Variants in ITGAV observed in about 807,000 individuals in gnomAD.
ITGAV encodes integrin alpha-V.
Under a neutral mutation model 143.8 loss-of-function variants are expected in ITGAV, and 76 were observed. That is an observed-to-expected ratio of 0.53 (90% confidence interval 0.44 to 0.64). The LOEUF (loss-of-function observed/expected upper bound fraction) is 0.64, where lower values mean the gene tolerates loss of function less well. ITGAV is among the 30% of genes least tolerant of loss of function. The pLI, the probability that ITGAV is intolerant of heterozygous loss-of-function variation, is 0.00. For missense variants in ITGAV, 1,193 were observed against 1,274.7 expected (o/e 0.94, Z 0.98); for synonymous variants, 453 against 446.7 (o/e 1.01, Z -0.18).
Position 186,651,971 on chromosome 2 carries a change from TC to T in ITGAV, c.1398-6del, listed in dbSNP as rs752252645. ...ATTTTTTACTTCATCTTCTTTTCCC[TC>T]CCCCGCTAGGGCCAGACCAGTTATC... is the stretch of plus-strand genomic sequence containing the variant. On this transcript the variant is annotated splice_polypyrimidine_tract_variant and intron_variant, in intron 14 of 29. Coordinates refer to ENST00000261023, the MANE Select transcript of ITGAV (RefSeq NM_002210.5). The T allele has an allele frequency of 1.9e-5, 29 of 1,518,572 alleles. No homozygotes were observed. The East Asian group carries it at 2.9e-4, about 15-fold the overall frequency. 94.1% of individuals were successfully genotyped at this position (1,518,572 alleles called of 1,614,324 possible).
intron 3 of ITGAV, among the ~76,000 whole-genome samples, chr2:186,623,710 C>T (rs982314749): frequency 1.6e-4 from 24 of 152,036 alleles, no homozygotes; most frequent in African/African-American, 5.8e-4. Flanking sequence ...AGAAGAAAAA[C>T]AAATAAAAAA....
chr2:186,609,581 C>T (rs1687158344), intron 2 of ITGAV, among the ~76,000 whole-genome samples: 1 of 151,826 alleles, frequency 6.6e-6, no homozygotes, highest in Admixed American at 6.6e-5. Flanking sequence ...AGATTCATAC[C>T]AAAATAAAGG....
intron 2 of ITGAV, among the ~76,000 whole-genome samples, chr2:186,610,463 C>T (rs1343761832): frequency 6.6e-6 from 1 of 152,138 alleles, no homozygotes; most frequent in African/African-American, 2.4e-5. Flanking sequence ...AACAAAGCCA[C>T]AACTAAGATG....
At chr2:186,591,486 TG>T (rs1300185876) in intron 1 of ITGAV, among the ~76,000 whole-genome samples, 2 of 152,210 alleles carry the variant, frequency 1.3e-5, no homozygotes, top group Non-Finnish European at 2.9e-5. Context: ...GTTCTTAGGG[TG>T]CCTTCTAAAC....
chr2:186,637,883 A>T (rs1574482539), intron 8 of ITGAV, among the ~76,000 whole-genome samples: 1 of 152,038 alleles, frequency 6.6e-6, no homozygotes, highest in Admixed American at 6.5e-5. Flanking sequence ...CACAGTCTTT[A>T]CCTGATTTTG....
At chr2:186,638,797 G>A (rs1688023097) in intron 10 of ITGAV, among the ~76,000 whole-genome samples, 1 of 151,490 alleles carries the variant, frequency 6.6e-6, no homozygotes, top group Non-Finnish European at 1.5e-5. Context: ...ATGGTTTAAT[G>A]ATTCCATAAT....
intron 14 of ITGAV, among the ~76,000 whole-genome samples, chr2:186,650,446 C>T (rs576949843): frequency 4.4e-4 from 67 of 152,044 alleles, no homozygotes; most frequent in Admixed American, 1.9e-3. Context: ...GTGATACACC[C>T]GTCTCAGCCT....
chr2:186,617,487 A>T (rs528437999), intron 2 of ITGAV, among the ~76,000 whole-genome samples: 3 of 152,196 alleles, frequency 2.0e-5, no homozygotes, highest in African/African-American at 7.2e-5. Context: ...ATAAAATGCA[A>T]ATGACAAGTT....
At chr2:186,608,338 A>G (rs986655354) in intron 2 of ITGAV, among the ~76,000 whole-genome samples, 2 of 152,236 alleles carry the variant, frequency 1.3e-5, no homozygotes, top group African/African-American at 2.4e-5. Flanking sequence ...ATTGTATGAA[A>G]TATTCTAGGC....
At chr2:186,660,017 A>G (rs1688701442) in intron 18 of ITGAV, among the ~76,000 whole-genome samples, 1 of 151,940 alleles carries the variant, frequency 6.6e-6, no homozygotes, top group Admixed American at 6.6e-5. Context: ...TATTATGTTG[A>G]TTAATAGTTT....
Position 186,656,400 on chromosome 2 carries a change from G to A in ITGAV, c.1718G>A (p.Arg573Gln), listed in dbSNP as rs768771232. The change falls in exon 17 of 30, where the codon CGG (arginine) becomes CAG (glutamine). Residue 573 changes from arginine to glutamine, a missense_variant and splice_region_variant. Arg to Gln is a conservative substitution (Grantham distance 43). Transcript: ENST00000261023. ...MQCEELIAYL[R>Q]DESEFRDKLT... is the part of the protein sequence containing the mutation. ...TGTGAGGAATTGATAGCGTATCTGC[G>A]GGTAAGAGCTAACTTTTCTGCTACC... is the stretch of plus-strand genomic sequence containing the variant. 1.4e-5 allele frequency: 20 copies of A among 1,472,686 alleles called. No individual in the cohort carries two copies. The highest frequency in any genetic ancestry group is 5.4e-5 in the East Asian group (2 of 36,906). The allele number at this position is 1,472,686 out of a possible 1,614,324, so 91.2% of individuals were successfully genotyped here. A position where few individuals can be genotyped will look rare whatever the true frequency, so the allele number is the denominator to read the frequency against.
chr2:186,633,416 C>A, intron 6 of ITGAV, 42 bp downstream of exon 6: 5 of 1,152,810 alleles, frequency 4.3e-6, no homozygotes, highest in South Asian at 1.4e-5. Flanking sequence ...GACTATGTGT[C>A]GCTGATTCAC....
chr2:186,659,725 CTT>C (rs747771279), intron 18 of ITGAV, among the ~76,000 whole-genome samples: 124 of 149,832 alleles, frequency 8.3e-4, no homozygotes, highest in Non-Finnish European at 4.4e-4. Flanking sequence ...CTTCATAACT[CTT>C]TGCCCTAAAT....
chr2:186,632,276 T>G (rs1403128092), intron 5 of ITGAV, among the ~76,000 whole-genome samples: 1 of 152,122 alleles, frequency 6.6e-6, no homozygotes, highest in African/African-American at 2.4e-5. Flanking sequence ...ATATATAATG[T>G]CCATCTTTTC....
chr2:186,651,930 CCTAA>C, intron 14 of ITGAV, 48 bp from the exon 15 acceptor site: 1 of 1,056,020 alleles, frequency 9.5e-7, no homozygotes. Flanking sequence ...TTTCAATCAA[CCTAA>C]CTTTTTAAAT....
intron 17 of ITGAV, among the ~76,000 whole-genome samples, chr2:186,656,869 G>A (rs571295811): frequency 1.1e-3 from 167 of 152,262 alleles, no homozygotes; most frequent in Admixed American, 2.0e-3. Flanking sequence ...GTGTTCTTAC[G>A]ACAGAGGTGC....
At chr2:186,590,969 C>T (rs985584007) in intron 1 of ITGAV, among the ~76,000 whole-genome samples, 7 of 151,622 alleles carry the variant, frequency 4.6e-5, no homozygotes, top group Admixed American at 3.9e-4. Context: ...TTCAGTCTCC[C>T]TAAACAAGCC....
At position 186,656,775 on chromosome 2, in the gene ITGAV, G is replaced by A. The variant is rs544907403; in HGVS notation, c.1719+374G>A. Among the ~76,000 whole-genome samples, 3 of 152,246 alleles carry A rather than the reference G, an allele frequency of 2.0e-5. No homozygotes were observed. In the East Asian group the frequency reaches 5.8e-4, roughly 29 times the overall value. On this transcript the variant is annotated intron_variant, in intron 17 of 29. Coordinates refer to ENST00000261023, the MANE Select transcript of ITGAV (RefSeq NM_002210.5). ...ATAAGCAAATATATGAGCGAGAGTT[G>A]CTGGCAAAGGATGAAGCCTAAGGAG...
At chr2:186,644,508 T>A (rs1688196622) in intron 12 of ITGAV, among the ~76,000 whole-genome samples, 2 of 151,778 alleles carry the variant, frequency 1.3e-5, no homozygotes, top group Admixed American at 1.3e-4. Flanking sequence ...GTATTTTTAG[T>A]AGAGATGGAG....
Sources: allele counts gnomAD v4.1 joint callset (sites outside exome capture counted in the v4.1 genomes callset), GRCh38; gene constraint gnomAD v4.1.1; transcripts MANE v1.5; gene names NCBI Gene and HGNC (gene_info 2026-07-23, HGNC 2026-07-21).